Variants in SYT17 observed in about 807,000 individuals in gnomAD.
The protein encoded by SYT17 is synaptotagmin-17.
In SYT17, 22 loss-of-function variants were observed where a neutral mutation model predicts 46.7. The ratio of observed to expected loss-of-function variants is 0.47; its 90% CI spans 0.34 to 0.67. SYT17 has a LOEUF of 0.67. Ranked by LOEUF, SYT17 falls within the 30% of genes least tolerant of loss-of-function variation. SYT17 has a pLI of 0.01. For missense variants in SYT17, 519 were observed against 612.8 expected, an observed-to-expected ratio of 0.85 and a Z score of 1.62; for synonymous variants, 251 against 248.4, an observed-to-expected ratio of 1.01 and a Z score of -0.10.
Position 19,183,860 on chromosome 16 carries a change from C to G in SYT17, c.664C>G (p.Gln222Glu). 1 of 1,614,172 alleles carries G rather than the reference C, an allele frequency of 6.2e-7. No individual in the cohort carries two copies. Among genetic ancestry groups the G allele is most frequent in the Non-Finnish European group, 8.5e-7 (1 of 1,180,036 alleles). Residue 222 changes from glutamine (Q) to glutamate (E), a missense_variant, in exon 5 of 8, where the codon CAG becomes GAG. By Grantham distance (29) the Gln-to-Glu change is conservative. Transcript: ENST00000355377. This position sits in a 1 kb window ranked among gnomAD's most constrained non-coding sequence, Gnocchi z 5.6. Reference sequence around the variant, plus strand: ...TCCCATCTCCCACGATGGCTCGCGCCAGGACATGGCGCACTCCAACCCCTA... The same window carrying G: ...TCCCATCTCCCACGATGGCTCGCGCGAGGACATGGCGCACTCCAACCCCTA... ...PPPISHDGSRQDMAHSNPYVK... is the reference protein window; with the variant it reads ...PPPISHDGSREDMAHSNPYVK...
chr16:19,261,212 A>G (rs62025412), intron 7 of SYT17, among the ~76,000 whole-genome samples: 10,849 of 152,254 alleles, frequency 0.071, 516 homozygotes, highest in Non-Finnish European at 0.1. Flanking sequence ...CAATCTTGAT[A>G]TTCTCCCAGG....
intron 5 of SYT17, among the ~76,000 whole-genome samples, chr16:19,211,954 A>G (rs1965921006): frequency 6.6e-6 from 1 of 152,156 alleles, no homozygotes; most frequent in African/African-American, 2.4e-5. Flanking sequence ...AAGAATAGAA[A>G]GAAGGCAGAG....
intron 7 of SYT17, among the ~76,000 whole-genome samples, chr16:19,259,436 G>C (rs1402523346): frequency 6.6e-6 from 1 of 152,130 alleles, no homozygotes; most frequent in Non-Finnish European, 1.5e-5. Flanking sequence ...ATAGCCGCCA[G>C]CCCTGTGAAG....
At chr16:19,207,695 G>T (rs1423965485) in intron 5 of SYT17, among the ~76,000 whole-genome samples, 1 of 152,154 alleles carries the variant, frequency 6.6e-6, no homozygotes, top group East Asian at 1.9e-4. Context: ...CCCTCAATGA[G>T]CTCACAGCTT....
chr16:19,222,028 GT>G (rs1196461672), intron 5 of SYT17, among the ~76,000 whole-genome samples: 2 of 152,134 alleles, frequency 1.3e-5, no homozygotes, highest in Non-Finnish European at 2.9e-5. Flanking sequence ...CTTCTGTCTG[GT>G]TTTGAATATG....
chr16:19,183,524 T>A lies in SYT17; in HGVS notation c.332-4T>A. 6.2e-7 allele frequency: 1 copy of A among 1,613,152 alleles called. No homozygotes were observed. The highest frequency in any genetic ancestry group is 8.5e-7 in the Non-Finnish European group (1 of 1,179,204). ...TCTTCATTGTTATTTCTGGTGGCTC[T>A]CAGGTCTTGAGTCAAGACGTCCCAG... is the stretch of plus-strand genomic sequence containing the variant. On this transcript the variant is annotated splice_region_variant and splice_polypyrimidine_tract_variant and intron_variant, in intron 4 of 7. Transcript: ENST00000355377. The surrounding 1 kb of genome is among the most constrained non-coding windows in gnomAD (Gnocchi z 5.6).
At chr16:19,187,099 A>G (rs1286858585) in intron 5 of SYT17, among the ~76,000 whole-genome samples, 4 of 152,168 alleles carry the variant, frequency 2.6e-5, no homozygotes, top group Admixed American at 6.5e-5. Context: ...CAGTGGTGCA[A>G]TCACAGCTCA....
chr16:19,230,405 A>T (rs979155526), intron 7 of SYT17, among the ~76,000 whole-genome samples: 1 of 133,376 alleles, frequency 7.5e-6, no homozygotes, highest in Admixed American at 7.2e-5. Flanking sequence ...GAAACTCTTT[A>T]AAAAAAAAAA....
chr16:19,172,514 T>C, intron 1 of SYT17: 2 of 1,492,822 alleles, frequency 1.3e-6, no homozygotes, highest in South Asian at 2.6e-5. Flanking sequence ...ATGCTAAAGT[T>C]TCCCATTTAT....
At chr16:19,213,623 T>A (rs1965986599) in intron 5 of SYT17, among the ~76,000 whole-genome samples, 2 of 152,166 alleles carry the variant, frequency 1.3e-5, no homozygotes, top group South Asian at 4.1e-4. Context: ...ATTCCTCCTG[T>A]CTCAGCCTCC....
rs114782269 is a variant in SYT17 at position 19,197,955 on chromosome 16, A to G, written c.951+13808A>G. Among the ~76,000 whole-genome samples the G allele has an allele frequency of 2.4e-3, 364 of 152,346 alleles. 2 individuals carry two copies. The highest frequency in any genetic ancestry group is 7.9e-3 in the African/African-American group (328 of 41,592). On this transcript the variant is annotated intron_variant, in intron 5 of 7. Transcript: ENST00000355377. The stretch of plus-strand genomic sequence containing the variant: ...AGGCGATCTCATGATAGCTAAGAGC[A>G]TAGACCCTGGAGTCATACAGACTTG...
chr16:19,251,706 A>T (rs142825188), intron 7 of SYT17, among the ~76,000 whole-genome samples: 61 of 152,298 alleles, frequency 4.0e-4, no homozygotes, highest in Middle Eastern at 3.4e-3. Flanking sequence ...TTCGTGGTCC[A>T]GATGTTTCGC....
At chr16:19,216,858 T>C (rs1966115713) in intron 5 of SYT17, among the ~76,000 whole-genome samples, 1 of 152,224 alleles carries the variant, frequency 6.6e-6, no homozygotes, top group African/African-American at 2.4e-5. Context: ...GCATGTGTCT[T>C]TATAGTAGAA....
intron 5 of SYT17, among the ~76,000 whole-genome samples, chr16:19,206,161 G>A (rs973304062): frequency 1.3e-5 from 2 of 152,204 alleles, no homozygotes; most frequent in East Asian, 1.9e-4. Context: ...GTGACTAGGA[G>A]TTGAATTCTG....
chr16:19,176,709 G>A (rs543675877), intron 3 of SYT17, among the ~76,000 whole-genome samples: 13 of 152,248 alleles, frequency 8.5e-5, no homozygotes, highest in South Asian at 2.1e-4. Context: ...AGAGATAGGC[G>A]TCTCATTGTG....
Position 19,203,336 on chromosome 16 carries a change from C to CAAAAA in SYT17, c.951+19197_951+19201dup, listed in dbSNP as rs3038782. 4.1e-3 allele frequency among the ~76,000 whole-genome samples: 599 copies of CAAAAA among 145,678 alleles called. 5 individuals carry two copies. Among genetic ancestry groups the CAAAAA allele is most frequent in the African/African-American group, 0.014 (570 of 39,474 alleles). On this transcript the variant is annotated intron_variant, in intron 5 of 7. Transcript: ENST00000355377. Reference sequence around the variant, plus strand: ...TGAAACCCCGTCTCTACTAACAATACAAAAAAAAAAAATAGCTGGGCGTGG... The same window carrying CAAAAA: ...TGAAACCCCGTCTCTACTAACAATACAAAAAAAAAAAAAAAAATAGCTGGGCGTGG...
intron 3 of SYT17, 114 bp downstream of exon 3, chr16:19,173,692 A>G (rs1964200336): frequency 8.3e-7 from 1 of 1,205,980 alleles, no homozygotes; most frequent in Admixed American, 2.6e-5. Context: ...GGCATGAAAG[A>G]GAAGCAGGCT....
At chr16:19,228,347 A>G (rs1399936504) in intron 7 of SYT17, among the ~76,000 whole-genome samples, 1 of 152,126 alleles carries the variant, frequency 6.6e-6, no homozygotes, top group Non-Finnish European at 1.5e-5. Context: ...TCTCTCCTGT[A>G]AGTTTTGGGG....
intron 7 of SYT17, among the ~76,000 whole-genome samples, chr16:19,235,906 C>G (rs765381724): frequency 6.6e-6 from 1 of 151,944 alleles, no homozygotes; most frequent in African/African-American, 2.4e-5. Flanking sequence ...TGAAAAAAAT[C>G]GGGGAAAGAA....
Sources: allele counts gnomAD v4.1 joint callset (sites outside exome capture counted in the v4.1 genomes callset), GRCh38; gene constraint gnomAD v4.1.1; non-coding constraint Gnocchi (gnomAD v3.1); transcripts MANE v1.5; gene names NCBI Gene and HGNC (gene_info 2026-07-23, HGNC 2026-07-21).